The following CERK variants were observed in gnomAD, a reference collection of about 807,000 sequenced individuals.
CERK encodes acylsphingosine kinase.
Under a neutral mutation model 63.4 loss-of-function variants are expected in CERK, and 39 were observed. The ratio of observed to expected loss-of-function variants is 0.61; its 90% CI spans 0.48 to 0.80. CERK has a LOEUF of 0.80. Among genes scored for constraint, CERK ranks in the 30% least tolerant of loss-of-function variants. CERK has a pLI of 0.00. For synonymous variants in CERK, 302 were observed against 280.0 expected, an observed-to-expected ratio of 1.08 and a Z score of -0.78; for missense variants, 670 against 714.1, an observed-to-expected ratio of 0.94 and a Z score of 0.70.
In CERK at chr22:46,738,132, G is replaced by A. The variant is rs1416783972; in HGVS notation, c.17C>T (p.Ala6Val). MGATG[A>V]AEPLQSVLWV... ...CAGCACGGATTGCAGCGGCTCCGCC[G>A]CCCCCGTCGCCCCCATCTCCGCCGC... Residue 6 changes from alanine to valine, a missense_variant, in exon 1 of 13, where the codon GCG becomes GTG. Physicochemically the swap from Ala to Val is moderately conservative, Grantham distance 64. Transcript: ENST00000216264. 8 of 1,213,800 alleles carry A rather than the reference G, an allele frequency of 6.6e-6. No homozygotes were observed. Among genetic ancestry groups the A allele is most frequent in the African/African-American group, 4.9e-5 (3 of 61,826 alleles). 75.2% of individuals were successfully genotyped at this position (1,213,800 alleles called of 1,614,324 possible).
intron 1 of CERK, among the ~76,000 whole-genome samples, chr22:46,723,538 G>C (rs2082902912): frequency 6.6e-6 from 1 of 151,960 alleles, no homozygotes; most frequent in Non-Finnish European, 1.5e-5. Context: ...AGAGTTGCTT[G>C]AACCCGGGAG....
Position 46,691,642 on chromosome 22 carries a change from A to T in CERK, c.1262T>A (p.Ile421Asn). ...GAACCTGGAGCATTTCCGGATGAGG[A>T]TGAGGTCAGAAGACCCGTCTCCCAA... ...AHLGDGSSDLILIRKCSRFNF... is the reference protein window; with the variant it reads ...AHLGDGSSDLNLIRKCSRFNF... Residue 421 changes from isoleucine to asparagine, a missense_variant, in exon 11 of 13, where the codon ATC (isoleucine) becomes AAC (asparagine). By Grantham distance (149) the Ile-to-Asn change is moderately radical. Coordinates refer to ENST00000216264, the MANE Select transcript of CERK (RefSeq NM_022766.6). 6.2e-7 allele frequency: 1 copy of T among 1,614,018 alleles called. No homozygotes were observed. The highest frequency in any genetic ancestry group is 8.5e-7 in the Non-Finnish European group (1 of 1,180,024).
rs559377714 is a variant in CERK, at chr22:46,687,208, T to C, written c.1542-2A>G. 5 of 1,613,896 alleles carry C rather than the reference T, an allele frequency of 3.1e-6. No individual in the cohort carries two copies. The highest frequency in any genetic ancestry group is 1.3e-5 in the African/African-American group (1 of 75,028). ...AGTCGAACCAGCTGGCAGTGGACTC[T>C]GCAGAGACAAGCGGCCACGTGTAAA... On this transcript the variant is annotated splice_acceptor_variant, in intron 12 of 12. Coordinates refer to ENST00000216264, the MANE Select transcript of CERK (RefSeq NM_022766.6). LOFTEE classifies it high-confidence loss of function.
At chr22:46,699,572 A>T in intron 7 of CERK, 107 bp from the exon 8 acceptor site, 1 of 1,032,494 alleles carries the variant, frequency 9.7e-7, no homozygotes, top group African/African-American at 1.6e-5. Context: ...ACTTTTAAAA[A>T]GTGTGAAACA....
rs188291825 is a variant in CERK, at chr22:46,689,798, A to C, written c.1541+194T>G. Among the ~76,000 whole-genome samples the C allele has an allele frequency of 6.0e-4, 92 of 152,326 alleles. 1 individual carries two copies. The highest frequency in any genetic ancestry group is 2.1e-3 in the African/African-American group (88 of 41,562). On this transcript the variant is annotated intron_variant, in intron 12 of 12. Coordinates refer to ENST00000216264, the MANE Select transcript of CERK (RefSeq NM_022766.6). ...AATGCTGAGGACTCGGCACCCTGGC[A>C]TCTTTCCAGAATGTGGGTAACGGCA...
rs58990564 is a variant in CERK, at chr22:46,727,835, C to T, written c.143-6820G>A. Among the ~76,000 whole-genome samples the T allele has an allele frequency of 9.3e-3, 1,421 of 152,090 alleles. 18 individuals carry two copies. Among genetic ancestry groups the T allele is most frequent in the African/African-American group, 0.033 (1,367 of 41,448 alleles). ...CAACACTCCCCTGGCCCAGCCACCCCCCCCGGCCCTGCCACCCCCGCGGCT... is the reference window on the plus strand; with the variant it reads ...CAACACTCCCCTGGCCCAGCCACCCTCCCCGGCCCTGCCACCCCCGCGGCT... On this transcript the variant is annotated intron_variant, in intron 1 of 12. Coordinates refer to ENST00000216264, the MANE Select transcript of CERK (RefSeq NM_022766.6).
In CERK at chr22:46,707,987, T is replaced by A. The variant is rs16995615; in HGVS notation, c.571A>T (p.Ile191Phe). 11 of 1,603,230 alleles carry A rather than the reference T, an allele frequency of 6.9e-6. No homozygotes were observed. The African/African-American group carries it at 1.5e-4, about 21-fold the overall frequency. The change falls in exon 6 of 13, where the codon ATC (isoleucine) becomes TTC (phenylalanine). Residue 191 changes from isoleucine to phenylalanine, a missense_variant and splice_region_variant. Transcript: ENST00000216264. The stretch of plus-strand genomic sequence containing the variant: ...ATACCATCTCCGCCGACACAGACGA[T>A]GCTGCAGGAGGAACACAGCCGGTCA... ...YEINIDKYDG[I>F]VCVGGDGMFS... is the part of the protein sequence containing the mutation.
At chr22:46,728,233 G>A (rs368311725) in intron 1 of CERK, among the ~76,000 whole-genome samples, 27 of 152,162 alleles carry the variant, frequency 1.8e-4, no homozygotes, top group African/African-American at 6.3e-4. Flanking sequence ...CTAGGGATGA[G>A]ACGGGGTGTC....
chr22:46,695,316 C>G lies in CERK; in HGVS notation c.944-1G>C. 4 of 1,566,146 alleles carry G rather than the reference C, an allele frequency of 2.6e-6. No homozygotes were observed. Among genetic ancestry groups the G allele is most frequent in the Non-Finnish European group, 2.6e-6 (3 of 1,136,336 alleles). ...TGGTGGGAGAGGAAGGTCTTTAAACCTGGGAACAGAGTGCAGTGAAGAAAA... is the reference window on the plus strand; with the variant it reads ...TGGTGGGAGAGGAAGGTCTTTAAACGTGGGAACAGAGTGCAGTGAAGAAAA... On this transcript the variant is annotated splice_acceptor_variant, in intron 8 of 12. Transcript: ENST00000216264. LOFTEE classifies it high-confidence loss of function.
intron 3 of CERK, among the ~76,000 whole-genome samples, chr22:46,719,186 C>T (rs1005409956): frequency 7.4e-6 from 1 of 134,298 alleles, no homozygotes; most frequent in East Asian, 2.0e-4. Flanking sequence ...ACCATATGTT[C>T]CTTTTTTTAA....
intron 1 of CERK, among the ~76,000 whole-genome samples, chr22:46,726,245 G>A (rs767655100): frequency 2.6e-5 from 4 of 152,264 alleles, no homozygotes; most frequent in Non-Finnish European, 5.9e-5. Flanking sequence ...GAGAACAAGA[G>A]CGAGTTCCCA....
intron 9 of CERK, chr22:46,693,805 G>A (rs2082743141): frequency 2.6e-6 from 1 of 380,916 alleles, no homozygotes; most frequent in South Asian, 2.3e-5. Context: ...AGCCTGGCTG[G>A]GAGAAATGAC....
Position 46,695,285 on chromosome 22 carries a change from T to C in CERK, c.974A>G (p.Tyr325Cys), listed in dbSNP as rs769900283. ...AGGGAGGAAGGACACTGTCCCTTCA[T>C]AGCAGTGGTGGGAGAGGAAGGTCTT... ...GLKTFLSHHC[Y>C]EGTVSFLPAQ... The change falls in exon 9 of 13, where the codon TAT (tyrosine) becomes TGT (cysteine). Residue 325 changes from tyrosine (Y) to cysteine (C), a missense_variant. By Grantham distance (194) the Tyr-to-Cys change is radical. Coordinates refer to ENST00000216264, the MANE Select transcript of CERK (RefSeq NM_022766.6). The C allele has an allele frequency of 3.7e-6, 6 of 1,610,922 alleles. No individual in the cohort carries two copies. Among genetic ancestry groups the C allele is most frequent in the African/African-American group, 1.3e-5 (1 of 74,884 alleles).
Position 46,720,966 on chromosome 22 carries a change from G to A in CERK, c.192C>T (p.Asp64=), listed in dbSNP as rs771657290. The A allele has an allele frequency of 8.1e-6, 13 of 1,613,546 alleles. No individual in the cohort carries two copies. The highest frequency in any genetic ancestry group is 2.7e-5 in the African/African-American group (2 of 74,886). Residue 64 remains aspartate, a synonymous_variant, in exon 2 of 13, where the codon GAC becomes GAT. Transcript: ENST00000216264. Reference sequence around the variant, plus strand: ...CACTGCCTTGATGTTTCCCGTGAACGTCTGTTTCCTCAACGGCGATGATCT... The same window carrying A: ...CACTGCCTTGATGTTTCCCGTGAACATCTGTTTCCTCAACGGCGATGATCT... The part of the protein sequence containing the change: ...VSEIIAVEET[D]VHGKHQGSGK...
At chr22:46,687,696 G>A (rs1034785386) in intron 12 of CERK, among the ~76,000 whole-genome samples, 2 of 152,046 alleles carry the variant, frequency 1.3e-5, no homozygotes, top group African/African-American at 2.4e-5. Context: ...CAGATGAGAA[G>A]GACAGGTGGC....
At chr22:46,708,103 A>G (rs1261055023) in intron 5 of CERK, 115 bp from the exon 6 acceptor site, 5 of 1,231,764 alleles carry the variant, frequency 4.1e-6, no homozygotes, top group Non-Finnish European at 5.5e-6. Context: ...CTTGGCAGGC[A>G]TCTAGAAGTG....
At chr22:46,689,947 G>A (rs2082721399) in intron 12 of CERK, 45 bp downstream of exon 12, 2 of 1,486,372 alleles carry the variant, frequency 1.3e-6, no homozygotes, top group South Asian at 1.2e-5. Context: ...GACACCTCAG[G>A]GCTCAAGGGG....
At chr22:46,718,657 C>T (rs1015834639) in intron 3 of CERK, among the ~76,000 whole-genome samples, 5 of 152,186 alleles carry the variant, frequency 3.3e-5, no homozygotes, top group Admixed American at 6.5e-5. Context: ...ATGGGAATGC[C>T]TCCTTTTAAT....
intron 2 of CERK, 78 bp downstream of exon 2, chr22:46,720,824 A>C (rs998830893): frequency 3.4e-6 from 3 of 875,362 alleles, no homozygotes; most frequent in Admixed American, 1.9e-5. Context: ...TTGTTAAACA[A>C]GTAACAGAAA....
Sources: allele counts gnomAD v4.1 joint callset (sites outside exome capture counted in the v4.1 genomes callset), GRCh38; gene constraint gnomAD v4.1.1; transcripts MANE v1.5; gene names NCBI Gene and HGNC (gene_info 2026-07-23, HGNC 2026-07-21).